Variants in LRTM3 observed in about 807,000 individuals in gnomAD.
LRTM3 encodes leucine rich repeat transmembrane protein 3.
the LRTM3 span, among the ~76,000 whole-genome samples, chr13:102,755,833 A>ATT: frequency 1.3e-4 from 20 of 150,250 alleles, no homozygotes; most frequent in African/African-American, 2.4e-4. Context: ...ATGGTTAAAA[A>ATT]TAAAAAAATA....
chr13:102,731,926 T>G, the LRTM3 span: 3 of 1,549,912 alleles, frequency 1.9e-6, no homozygotes, highest in Non-Finnish European at 2.6e-6. Context: ...AGTCTGGTTT[T>G]TTAATGATCC....
chr13:102,734,168 C>A, the LRTM3 span: 1 of 1,551,462 alleles, frequency 6.4e-7, no homozygotes. Flanking sequence ...TGCCTCTTGG[C>A]AGTGTATCCT....
chr13:102,738,493 C>A, the LRTM3 span: 1 of 1,550,862 alleles, frequency 6.4e-7, no homozygotes, highest in East Asian at 2.4e-5. Context: ...TTTTCTCTTG[C>A]TCTTTAATGT....
At chr13:102,739,424 T>C in the LRTM3 span, 1 of 1,550,550 alleles carries the variant, frequency 6.4e-7, no homozygotes. Flanking sequence ...TGCCTGGAGC[T>C]TTAGTGGTGG....
At chr13:102,732,675 G>C in the LRTM3 span, 1 of 1,551,086 alleles carries the variant, frequency 6.4e-7, no homozygotes, top group Admixed American at 2.0e-5. Context: ...AGAAGATGCG[G>C]GTGTGCACTA....
chr13:102,734,588 C>T, the LRTM3 span: 1 of 1,550,464 alleles, frequency 6.4e-7, no homozygotes, highest in Non-Finnish European at 8.7e-7. Context: ...TTTTTGGTTC[C>T]TCTCTTCTTT....
At chr13:102,731,013 T>C in the LRTM3 span, 1 of 1,551,518 alleles carries the variant, frequency 6.4e-7, no homozygotes, top group Non-Finnish European at 8.7e-7. Context: ...AAGGCTTTCA[T>C]TTGTATCTCC....
At chr13:102,729,679 A>G in the LRTM3 span, 1 of 1,551,790 alleles carries the variant, frequency 6.4e-7, no homozygotes, top group Non-Finnish European at 8.7e-7. Context: ...TTCTTTCAGA[A>G]TAGAAGTTGA....
chr13:102,756,478 G>A, the LRTM3 span, among the ~76,000 whole-genome samples: 1 of 151,252 alleles, frequency 6.6e-6, no homozygotes, highest in Non-Finnish European at 1.5e-5. Context: ...TTCGAGACCA[G>A]CCTGGCCAAC....
At chr13:102,736,430 T>G in the LRTM3 span, 2 of 1,551,158 alleles carry the variant, frequency 1.3e-6, no homozygotes, top group East Asian at 4.9e-5. Flanking sequence ...GTCTTCTTTC[T>G]GTGGAAGGAG....
the LRTM3 span, chr13:102,750,390 T>A: frequency 6.9e-7 from 1 of 1,443,476 alleles, no homozygotes. Context: ...GTGCCAACTC[T>A]GAAATATAAG....
chr13:102,756,750 C>G, the LRTM3 span, among the ~76,000 whole-genome samples: 1 of 142,796 alleles, frequency 7.0e-6, no homozygotes, highest in Non-Finnish European at 1.5e-5. Flanking sequence ...TTTTTAACTT[C>G]AAAATTTATG....
chr13:102,746,586 C>T, the LRTM3 span: 1 of 1,551,024 alleles, frequency 6.4e-7, no homozygotes, highest in Non-Finnish European at 8.7e-7. Context: ...GGCTTCACAG[C>T]CTTTGTATTT....
chr13:102,730,361 G>A, the LRTM3 span: 1 of 1,550,902 alleles, frequency 6.4e-7, no homozygotes, highest in Non-Finnish European at 8.7e-7. Context: ...GTCCAAGTCA[G>A]CTGGACTCTC....
At chr13:102,739,413 AT>A in the LRTM3 span, 2 of 1,550,348 alleles carry the variant, frequency 1.3e-6, no homozygotes, top group Non-Finnish European at 8.7e-7. Context: ...GCATTTGATG[AT>A]GCCTGGAGCT....
the LRTM3 span, chr13:102,743,709 T>G: frequency 4.5e-6 from 7 of 1,549,576 alleles, no homozygotes; most frequent in Non-Finnish European, 6.1e-6. Flanking sequence ...TTGGATACAG[T>G]TTTTAAATAG....
the LRTM3 span, chr13:102,732,522 T>A: frequency 1.2e-5 from 18 of 1,551,146 alleles, no homozygotes; most frequent in Non-Finnish European, 1.4e-5. Flanking sequence ...AGAACATTTC[T>A]TTGAAATAAT....
chr13:102,747,542 G>T, the LRTM3 span: 2 of 1,550,742 alleles, frequency 1.3e-6, no homozygotes, highest in East Asian at 4.9e-5. Flanking sequence ...CAGGGCAACT[G>T]CAGGTAAATA....
chr13:102,746,762 T>A, the LRTM3 span: 4 of 1,551,212 alleles, frequency 2.6e-6, no homozygotes, highest in Non-Finnish European at 2.6e-6. Flanking sequence ...GTAACCCATT[T>A]CTCTTGTATC....
Sources: allele counts gnomAD v4.1 joint callset (sites outside exome capture counted in the v4.1 genomes callset), GRCh38; gene constraint gnomAD v4.1.1; transcripts MANE v1.5; gene names NCBI Gene and HGNC (gene_info 2026-07-23, HGNC 2026-07-21).